HYAL4: variants seen among roughly 807,000 people sequenced by gnomAD.
HYAL4 encodes the protein hyaluronidase-4.
Under a neutral mutation model 35.2 loss-of-function variants are expected in HYAL4, and 37 were observed. The ratio of observed to expected loss-of-function variants is 1.05; its 90% CI spans 0.81 to 1.38. HYAL4 has a LOEUF of 1.38. Among genes scored for constraint, HYAL4 ranks in the 40% most tolerant of loss-of-function variants. The pLI, the probability that HYAL4 is intolerant of heterozygous loss-of-function variation, is 0.00. For missense variants in HYAL4, 572 were observed against 572.4 expected, an observed-to-expected ratio of 1.00 and a Z score of 0.01; for synonymous variants, 198 against 203.2, an observed-to-expected ratio of 0.97 and a Z score of 0.22.
the HYAL4 span, among the ~76,000 whole-genome samples, chr7:123,778,169 C>A: frequency 6.7e-5 from 10 of 150,356 alleles, no homozygotes; most frequent in Admixed American, 6.6e-4. Flanking sequence ...GTCTATCTAT[C>A]TATCTATCTA....
intron 3 of HYAL4, among the ~76,000 whole-genome samples, chr7:123,869,471 G>A (rs1032888182): frequency 2.0e-5 from 3 of 152,138 alleles, no homozygotes; most frequent in Non-Finnish European, 4.4e-5. Context: ...GTAGATACCA[G>A]CAACGACTAC....
intron 2 of HYAL4, among the ~76,000 whole-genome samples, chr7:123,865,106 TA>T (rs1291077728): frequency 6.6e-6 from 1 of 151,962 alleles, no homozygotes; most frequent in Admixed American, 6.6e-5. Context: ...AATCACTTGG[TA>T]ACTTTGTAAT....
At chr7:123,853,800 T>C (rs1206676880) in intron 2 of HYAL4, among the ~76,000 whole-genome samples, 2 of 152,210 alleles carry the variant, frequency 1.3e-5, no homozygotes, top group East Asian at 1.9e-4. Flanking sequence ...TCTGAAGGAA[T>C]GGTACCAGCT....
the HYAL4 span, among the ~76,000 whole-genome samples, chr7:123,822,750 G>A: frequency 6.6e-6 from 1 of 152,136 alleles, no homozygotes; most frequent in Non-Finnish European, 1.5e-5. Flanking sequence ...CTTGAGGCCA[G>A]GAGTTCAAAC....
chr7:123,825,434 A>G (rs933711090), upstream of HYAL4, among the ~76,000 whole-genome samples: 8 of 152,172 alleles, frequency 5.3e-5, no homozygotes, highest in Admixed American at 3.9e-4. Context: ...TAAGGTTGAT[A>G]TAATCAAAAC....
At chr7:123,824,993 A>G (rs1352534299), upstream of HYAL4, among the ~76,000 whole-genome samples, 1 of 152,138 alleles carries the variant, frequency 6.6e-6, no homozygotes, top group Non-Finnish European at 1.5e-5. Context: ...TTCACAGAAC[A>G]TTCCTTCTGC....
upstream of HYAL4, among the ~76,000 whole-genome samples, chr7:123,825,220 A>G (rs1805788544): frequency 6.6e-6 from 1 of 152,050 alleles, no homozygotes; most frequent in African/African-American, 2.4e-5. Context: ...TAACCACGTT[A>G]CATATAAATG....
chr7:123,788,667 A>G, the HYAL4 span, among the ~76,000 whole-genome samples: 1 of 152,224 alleles, frequency 6.6e-6, no homozygotes, highest in African/African-American at 2.4e-5. Flanking sequence ...TGAAAGTAAA[A>G]TATTTGATGG....
intron 2 of HYAL4, among the ~76,000 whole-genome samples, chr7:123,854,532 T>G (rs2215368): frequency 0.12 from 17,565 of 152,268 alleles, 1,132 homozygotes; most frequent in Non-Finnish European, 0.14. Flanking sequence ...TGTGTGGTTT[T>G]GAATGAGTTT....
At chr7:123,827,495 ATTG>A (rs1240328651), upstream of HYAL4, among the ~76,000 whole-genome samples, 1 of 150,604 alleles carries the variant, frequency 6.6e-6, no homozygotes, top group Non-Finnish European at 1.5e-5. Flanking sequence ...CTTTGCTTCA[ATTG>A]TTTGCCTGTT....
At chr7:123,796,524 T>TA in the HYAL4 span, among the ~76,000 whole-genome samples, 1 of 152,180 alleles carries the variant, frequency 6.6e-6, no homozygotes, top group Non-Finnish European at 1.5e-5. Context: ...GAACTAGGCC[T>TA]AAAAATCAGG....
chr7:123,853,835 C>T (rs1375477734), intron 2 of HYAL4, among the ~76,000 whole-genome samples: 3 of 152,094 alleles, frequency 2.0e-5, no homozygotes, highest in Admixed American at 1.3e-4. Context: ...TGGTAGAATT[C>T]GGATGTGAAT....
At chr7:123,778,771 ATAG>A in the HYAL4 span, among the ~76,000 whole-genome samples, 1 of 152,226 alleles carries the variant, frequency 6.6e-6, no homozygotes, top group Non-Finnish European at 1.5e-5. Context: ...TAATTCATAA[ATAG>A]TAGAGAGACA....
intron 2 of HYAL4, among the ~76,000 whole-genome samples, chr7:123,865,443 A>G (rs1403991721): frequency 1.3e-5 from 2 of 152,320 alleles, no homozygotes; most frequent in Non-Finnish European, 2.9e-5. Context: ...CCTTGAAAAT[A>G]CTATTCTCTT....
intron 1 of HYAL4, among the ~76,000 whole-genome samples, chr7:123,839,684 G>A (rs534887536): frequency 1.3e-5 from 2 of 152,160 alleles, no homozygotes; most frequent in African/African-American, 2.4e-5. Context: ...ATTCTAACTG[G>A]TGTGAGATGG....
Position 123,874,835 on chromosome 7 carries a change from T to C in HYAL4, c.1029T>C (p.Asn343=). The change falls in exon 4 of 5, where the codon AAT becomes AAC. Residue 343 remains asparagine, a synonymous_variant. Transcript: ENST00000223026. ...GCATTGTTATTTGGGGAGACATGAA[T>C]TTAACTGCATCCAAGGTAAGTCAGT... ...AAGIVIWGDM[N]LTASKANCTK... is the part of the protein sequence containing the mutation. 1 of 1,585,208 alleles carries C rather than the reference T, an allele frequency of 6.3e-7. No individual in the cohort carries two copies. Among genetic ancestry groups the C allele is most frequent in the Non-Finnish European group, 8.7e-7 (1 of 1,153,434 alleles).
At chr7:123,829,854 A>G (rs1016047670) in intron 1 of HYAL4, among the ~76,000 whole-genome samples, 6 of 152,282 alleles carry the variant, frequency 3.9e-5, no homozygotes, top group South Asian at 2.1e-4. Flanking sequence ...TAAAGACCCA[A>G]TAAACTAACA....
At chr7:123,829,887 G>A (rs1805854110) in intron 1 of HYAL4, among the ~76,000 whole-genome samples, 1 of 152,164 alleles carries the variant, frequency 6.6e-6, no homozygotes, top group South Asian at 2.1e-4. Flanking sequence ...TTTGGTGGCT[G>A]CAAGTGCTCT....
intron 4 of HYAL4, among the ~76,000 whole-genome samples, chr7:123,875,235 A>C (rs1203891607): frequency 5.9e-5 from 9 of 152,226 alleles, no homozygotes. Flanking sequence ...GATGATGGAC[A>C]CCTTGCATTT....
Sources: gnomAD v4.1 joint callset for allele counts (sites outside exome capture counted in the v4.1 genomes callset) on GRCh38, gnomAD v4.1.1 for gene constraint, MANE v1.5 for transcripts, NCBI Gene and HGNC (gene_info 2026-07-23, HGNC 2026-07-21) for gene names.